Variants in GPC5 observed in about 807,000 individuals in gnomAD.
GPC5 encodes glypican-5.
In GPC5, 47 loss-of-function variants were observed where a neutral mutation model predicts 53.9. That is an observed-to-expected ratio of 0.87 (90% CI 0.69 to 1.11). GPC5 has a LOEUF of 1.11. GPC5 is among the 50% of genes most tolerant of loss of function. The probability of loss-of-function intolerance (pLI) is 0.00; values close to 1 mark genes in which losing one functional copy is unlikely to be tolerated. For synonymous variants in GPC5, 286 were observed against 263.3 expected (o/e 1.09, Z -0.84); for missense variants, 748 against 713.1 (o/e 1.05, Z -0.56).
At chr13:91,524,727 G>A (rs1216470916) in intron 2 of GPC5, among the ~76,000 whole-genome samples, 1 of 152,084 alleles carries the variant, frequency 6.6e-6, no homozygotes, top group Non-Finnish European at 1.5e-5. Context: ...TAGGAGCTGA[G>A]GGCCACTCTC....
chr13:92,116,018 A>C (rs2041597815), intron 6 of GPC5, among the ~76,000 whole-genome samples: 1 of 152,168 alleles, frequency 6.6e-6, no homozygotes, highest in Admixed American at 6.6e-5. Context: ...TGGGAGGCTG[A>C]GATGGGAGAA....
chr13:91,998,769 G>A (rs546227642), intron 6 of GPC5, among the ~76,000 whole-genome samples: 6 of 152,324 alleles, frequency 3.9e-5, no homozygotes, highest in African/African-American at 7.2e-5. Flanking sequence ...TTTGCCAGGA[G>A]GTGGCGAGTC....
At chr13:92,233,929 A>G (rs2042550459) in intron 7 of GPC5, among the ~76,000 whole-genome samples, 1 of 151,462 alleles carries the variant, frequency 6.6e-6, no homozygotes, top group African/African-American at 2.4e-5. Context: ...TGTCCTTGCG[A>G]TAGTTTGCTG....
chr13:92,350,382 A>G (rs1007940014), intron 7 of GPC5, among the ~76,000 whole-genome samples: 3 of 152,220 alleles, frequency 2.0e-5, no homozygotes, highest in Non-Finnish European at 4.4e-5. Context: ...AGTCCTTACT[A>G]GAACAATTAG....
At chr13:92,230,790 G>GC (rs1399144747) in intron 7 of GPC5, among the ~76,000 whole-genome samples, 3 of 152,128 alleles carry the variant, frequency 2.0e-5, no homozygotes, top group Non-Finnish European at 4.4e-5. Context: ...CCTACCTGGT[G>GC]CACTGATTGG....
intron 7 of GPC5, among the ~76,000 whole-genome samples, chr13:92,666,294 T>C (rs547375564): frequency 2.8e-4 from 42 of 152,278 alleles, no homozygotes; most frequent in African/African-American, 9.9e-4. Context: ...ATTTTTACTG[T>C]GTATTGTAAA....
At chr13:92,085,761 G>A (rs895476241) in intron 6 of GPC5, among the ~76,000 whole-genome samples, 1 of 152,100 alleles carries the variant, frequency 6.6e-6, no homozygotes, top group African/African-American at 2.4e-5. Context: ...TTATCATAAG[G>A]AGCACACAAC....
At chr13:92,854,693 G>A (rs1166124965) in intron 7 of GPC5, among the ~76,000 whole-genome samples, 1 of 151,876 alleles carries the variant, frequency 6.6e-6, no homozygotes, top group Non-Finnish European at 1.5e-5. Context: ...ACCGTAGCCT[G>A]GCAAATCCAA....
At position 91,836,880 on chromosome 13, in the gene GPC5, C is replaced by T. The variant is rs1032925986; in HGVS notation, c.1281-71057C>T. On this transcript the variant is annotated intron_variant, in intron 5 of 7. Transcript: ENST00000377067. ...TTATGCTCAAATAAGAAATCTGTTC[C>T]CATTCTATATGGCAGTTAAATTGTT... 4.6e-5 allele frequency among the ~76,000 whole-genome samples: 7 copies of T among 150,898 alleles called. 1 individual carries two copies. The highest frequency in any genetic ancestry group is 1.3e-4 in the Admixed American group (2 of 15,118).
At chr13:91,884,083 T>C (rs778651169) in intron 5 of GPC5, among the ~76,000 whole-genome samples, 2 of 152,090 alleles carry the variant, frequency 1.3e-5, no homozygotes, top group Non-Finnish European at 2.9e-5. Flanking sequence ...TGGTTATTAC[T>C]AAAAAGTCAA....
At chr13:91,585,201 G>A (rs2032516520) in intron 2 of GPC5, among the ~76,000 whole-genome samples, 3 of 152,110 alleles carry the variant, frequency 2.0e-5, no homozygotes, top group Admixed American at 6.6e-5. Context: ...TATACTACTG[G>A]TAGTAACATA....
At position 92,694,529 on chromosome 13, in the gene GPC5, G is replaced by C. The variant is rs144179238; in HGVS notation, c.1562-171753G>C. On this transcript the variant is annotated intron_variant, in intron 7 of 7. Coordinates refer to ENST00000377067, the MANE Select transcript of GPC5 (RefSeq NM_004466.6). The stretch of plus-strand genomic sequence containing the variant: ...TTCAAAGCTTTAAGATTTAATGACT[G>C]CCTCTCTGTATTTTGGATTTGCATG... 5.3e-3 allele frequency among the ~76,000 whole-genome samples: 810 copies of C among 152,302 alleles called. 12 individuals carry two copies. Among genetic ancestry groups the C allele is most frequent in the African/African-American group, 0.019 (780 of 41,572 alleles).
Position 92,488,450 on chromosome 13 carries a change from TA to T in GPC5, c.1561+343462del, listed in dbSNP as rs376234572. Among the ~76,000 whole-genome samples, 37 of 152,322 alleles carry T rather than the reference TA, an allele frequency of 2.4e-4. No individual in the cohort carries two copies. The East Asian group carries it at 6.0e-3, about 25-fold the overall frequency. ...TTCTAGGCAGTGATGGGAAAAGTAA[TA>T]TTTGATTAAGTGCATATGCCTGCAA... On this transcript the variant is annotated intron_variant, in intron 7 of 7. Coordinates refer to ENST00000377067, the MANE Select transcript of GPC5 (RefSeq NM_004466.6).
intron 7 of GPC5, among the ~76,000 whole-genome samples, chr13:92,786,542 A>G (rs1338307773): frequency 6.6e-6 from 1 of 152,178 alleles, no homozygotes; most frequent in Non-Finnish European, 1.5e-5. Flanking sequence ...TTAATGGTTA[A>G]AAATATAACA....
At chr13:92,261,752 T>G (rs1461458056) in intron 7 of GPC5, among the ~76,000 whole-genome samples, 1 of 152,138 alleles carries the variant, frequency 6.6e-6, no homozygotes, top group Non-Finnish European at 1.5e-5. Flanking sequence ...AAAAAATAGC[T>G]TATTAGTTAA....
chr13:92,339,067 G>A (rs1382079518), intron 7 of GPC5, among the ~76,000 whole-genome samples: 3 of 151,882 alleles, frequency 2.0e-5, no homozygotes, highest in Non-Finnish European at 4.4e-5. Flanking sequence ...TAAGTATTAA[G>A]TGATGGCTTG....
chr13:91,692,086 T>A (rs2139802103), intron 2 of GPC5, among the ~76,000 whole-genome samples: 1 of 152,292 alleles, frequency 6.6e-6, no homozygotes, highest in African/African-American at 2.4e-5. Flanking sequence ...TATTTTTAGA[T>A]TTTCTCCCTT....
chr13:92,681,509 C>G (rs1887109844), intron 7 of GPC5, among the ~76,000 whole-genome samples: 1 of 151,990 alleles, frequency 6.6e-6, no homozygotes, highest in South Asian at 2.1e-4. Context: ...TGTAATCCAG[C>G]CTCTACACGA....
chr13:91,809,540 T>A (rs2038277200), intron 5 of GPC5, among the ~76,000 whole-genome samples: 1 of 152,124 alleles, frequency 6.6e-6, no homozygotes, highest in African/African-American at 2.4e-5. Context: ...AGAAAAGTTA[T>A]ATATATAATC....
Sources: allele counts gnomAD v4.1 joint callset (sites outside exome capture counted in the v4.1 genomes callset), GRCh38; gene constraint gnomAD v4.1.1; transcripts MANE v1.5; gene names NCBI Gene and HGNC (gene_info 2026-07-23, HGNC 2026-07-21).